The following SLC16A3 variants were observed in gnomAD, a reference collection of about 807,000 sequenced individuals.
SLC16A3 encodes solute carrier family 16 member 3, also known as monocarboxylate transporter 4.
In SLC16A3, 22 loss-of-function variants were observed where a neutral mutation model predicts 25.0. The ratio of observed to expected loss-of-function variants is 0.88; its 90% confidence interval spans 0.63 to 1.26. The LOEUF (loss-of-function observed/expected upper bound fraction) is 1.26, where lower values mean the gene tolerates loss of function less well. Among genes scored for constraint, SLC16A3 ranks in the 50% most tolerant of loss-of-function variants. The probability of loss-of-function intolerance (pLI) is 0.00; values close to 1 mark genes in which losing one functional copy is unlikely to be tolerated. For synonymous variants in SLC16A3, 390 were observed against 309.2 expected (o/e 1.26, Z -2.74); for missense variants, 731 against 666.6 (o/e 1.10, Z -1.06).
At chr17:82,226,662 CCCTGGTG>C (rs1183791769), upstream of SLC16A3, among the ~76,000 whole-genome samples, 1 of 152,106 alleles carries the variant, frequency 6.6e-6, no homozygotes, top group African/African-American at 2.4e-5. Context: ...GCCACCTGGG[CCCTGGTG>C]CCAGGCCTGG....
In SLC16A3 at chr17:82,222,922, T is replaced by C. The variant is rs147052969; in HGVS notation, c.-27+4738T>C. 5.1e-3 allele frequency among the ~76,000 whole-genome samples: 774 copies of C among 151,658 alleles called. 5 individuals carry two copies. Among genetic ancestry groups the C allele is most frequent in the Middle Eastern group, 0.021 (6 of 288 alleles). ...TCACAAAGGCCACACCCTGCAGGGC[T>C]CCATTCACATGAAACATCCAGGACA... On this transcript the variant is annotated intron_variant, in intron 1 of 4. Transcript: ENST00000580098.
In SLC16A3 at chr17:82,239,864, C is replaced by T. The variant is rs1374475779; in HGVS notation, c.*888C>T. ...GGGCTGGTCTTTGCACCCTGTCCTC[C>T]ATCCAGCCCGGCCCAGCGCTTGGGC... On this transcript the variant is annotated 3_prime_UTR_variant, in exon 5 of 5. Coordinates refer to ENST00000582743, the MANE Select transcript of SLC16A3 (RefSeq NM_004207.4). The T allele has an allele frequency of 3.5e-6, 2 of 565,772 alleles. No individual in the cohort carries two copies. The highest frequency in any genetic ancestry group is 2.6e-6 in the Non-Finnish European group (1 of 379,854). The allele number at this position is 565,772 out of a possible 1,614,324, so 35.0% of individuals were successfully genotyped here. A position where few individuals can be genotyped will look rare whatever the true frequency, so the allele number is the denominator to read the frequency against.
intron 2 of SLC16A3, 132 bp downstream of exon 2, chr17:82,236,363 C>A: frequency 2.3e-6 from 2 of 857,780 alleles, no homozygotes; most frequent in Non-Finnish European, 3.6e-6. Context: ...GCCCTTGGGG[C>A]CAGGATCCTG....
intron 1 of SLC16A3, among the ~76,000 whole-genome samples, chr17:82,218,449 C>G (rs1187045656): frequency 6.7e-6 from 1 of 148,930 alleles, no homozygotes; most frequent in African/African-American, 2.5e-5. Context: ...GGGAGCCCAG[C>G]CTCGGTCACT....
intron 1 of SLC16A3, chr17:82,234,002 A>ACCTG (rs2050547453): frequency 2.6e-5 from 4 of 151,948 alleles, no homozygotes; most frequent in South Asian, 2.1e-4. Flanking sequence ...CACTGCGCCC[A>ACCTG]GCTAATTTTT....
chr17:82,227,571 GGAGCACCACCTGCC>G (rs1568531503), upstream of SLC16A3, among the ~76,000 whole-genome samples: 1 of 143,740 alleles, frequency 7.0e-6, no homozygotes, highest in African/African-American at 2.5e-5. Flanking sequence ...CAGGAAGATG[GGAGCACCACCTGCC>G]CTGGGCGGGA....
rs2050623362 is a variant in SLC16A3 at position 82,237,134 on chromosome 17, C to T, written c.368-4C>T. The T allele has an allele frequency of 4.7e-6, 7 of 1,500,362 alleles. No homozygotes were observed. The highest frequency in any genetic ancestry group is 2.3e-5 in the Admixed American group (1 of 44,234). 92.9% of individuals were successfully genotyped at this position (1,500,362 alleles called of 1,614,324 possible). A position where few individuals can be genotyped will look rare whatever the true frequency, so the allele number is the denominator to read the frequency against. ...GGGCTCTCACCACATTCCCTTTCCT[C>T]CAGGGTTGGGTTTGGCACTCAACTT... On this transcript the variant is annotated splice_polypyrimidine_tract_variant and splice_region_variant and intron_variant, in intron 3 of 4. Coordinates refer to ENST00000582743, the MANE Select transcript of SLC16A3 (RefSeq NM_004207.4).
chr17:82,226,697 A>C (rs962105324), upstream of SLC16A3, among the ~76,000 whole-genome samples: 2 of 151,776 alleles, frequency 1.3e-5, no homozygotes, highest in African/African-American at 4.8e-5. Context: ...CCCGCCACCA[A>C]CTGCTGGGCC....
intron 1 of SLC16A3, chr17:82,234,652 C>G (rs1259816356): frequency 6.6e-6 from 1 of 152,388 alleles, no homozygotes; most frequent in African/African-American, 2.4e-5. Flanking sequence ...AGGCTGGATG[C>G]GGGGAGGGCC....
intron 2 of SLC16A3, 191 bp downstream of exon 2, chr17:82,236,422 G>A (rs1568538416): frequency 3.1e-6 from 2 of 647,772 alleles, no homozygotes; most frequent in Non-Finnish European, 2.7e-6. Flanking sequence ...AGGGCGCGAA[G>A]TCCATCCTGG....
chr17:82,220,616 A>T (rs2050383308), intron 1 of SLC16A3, among the ~76,000 whole-genome samples: 2 of 152,126 alleles, frequency 1.3e-5, no homozygotes, highest in Admixed American at 1.3e-4. Context: ...ATCTAAAAAA[A>T]ATTTTTTTTA....
At chr17:82,233,397 C>T (rs1291438843) in intron 1 of SLC16A3, among the ~76,000 whole-genome samples, 7 of 152,302 alleles carry the variant, frequency 4.6e-5, no homozygotes, top group Non-Finnish European at 8.8e-5. Flanking sequence ...ATGCTGTGCT[C>T]TCCTGGTCAG....
At chr17:82,227,613 CGGG>C, upstream of SLC16A3, among the ~76,000 whole-genome samples, 1 of 29,996 alleles carries the variant, frequency 3.3e-5, no homozygotes, top group Non-Finnish European at 8.3e-5. Flanking sequence ...CTGCCCTGGG[CGGG>C]AGCACCACCT....
intron 1 of SLC16A3, among the ~76,000 whole-genome samples, chr17:82,222,019 G>A (rs1053941931): frequency 1.3e-5 from 2 of 152,204 alleles, no homozygotes. Flanking sequence ...ATGGACAGGA[G>A]CGTCGCCCTG....
chr17:82,226,458 C>T (rs980147237), upstream of SLC16A3, among the ~76,000 whole-genome samples: 4 of 152,160 alleles, frequency 2.6e-5, no homozygotes, highest in Non-Finnish European at 4.4e-5. Context: ...CCCACCCCTT[C>T]CCGCAGCTCC....
rs759897150 is a variant in SLC16A3 at position 82,237,555 on chromosome 17, A to C, written c.785A>C (p.Lys262Thr). Residue 262 changes from lysine to threonine, a missense_variant, in exon 4 of 5, where the codon AAG becomes ACG. Coordinates refer to ENST00000582743, the MANE Select transcript of SLC16A3 (RefSeq NM_004207.4). ...YAKDLGVPDT[K>T]AAFLLTILGF... The stretch of plus-strand genomic sequence containing the variant: ...AAGGACCTGGGCGTGCCCGACACCA[A>C]GGCCGCCTTCCTGCTCACCATCCTG... 2 of 1,611,156 alleles carry C rather than the reference A, an allele frequency of 1.2e-6. No individual in the cohort carries two copies. Among genetic ancestry groups the C allele is most frequent in the South Asian group, 2.2e-5 (2 of 91,028 alleles).
At position 82,238,833 on chromosome 17, in the gene SLC16A3, C is replaced by G; in HGVS notation, c.1255C>G (p.Pro419Ala). 1 of 1,612,724 alleles carries G rather than the reference C, an allele frequency of 6.2e-7. No individual in the cohort carries two copies. The highest frequency in any genetic ancestry group is 8.5e-7 in the Non-Finnish European group (1 of 1,179,804). The change falls in exon 5 of 5, where the codon CCT (proline) becomes GCT (alanine). Residue 419 changes from proline to alanine, a missense_variant. By Grantham distance (27) the Pro-to-Ala change is conservative. Transcript: ENST00000582743. ...CIRKKPKEPQ[P>A]EVAAAEEEKL... is the part of the protein sequence containing the mutation. The stretch of plus-strand genomic sequence containing the variant: ...TAGGAAGAAGCCCAAAGAGCCACAG[C>G]CTGAGGTGGCGGCCGCGGAGGAGGA...
At position 82,239,874 on chromosome 17, in the gene SLC16A3, G is replaced by A. The variant is rs1037176322; in HGVS notation, c.*898G>A. On this transcript the variant is annotated 3_prime_UTR_variant, in exon 5 of 5. Coordinates refer to ENST00000582743, the MANE Select transcript of SLC16A3 (RefSeq NM_004207.4). ...TTGCACCCTGTCCTCCATCCAGCCC[G>A]GCCCAGCGCTTGGGCTTGTCCTGGA... 39 of 631,420 alleles carry A rather than the reference G, an allele frequency of 6.2e-5. No individual in the cohort carries two copies. The highest frequency in any genetic ancestry group is 8.5e-4 in the Middle Eastern group (2 of 2,364). 39.1% of individuals were successfully genotyped at this position (631,420 alleles called of 1,614,324 possible).
rs1286805795 is a variant in SLC16A3 at position 82,239,721 on chromosome 17, G to A, written c.*745G>A. 1.3e-5 allele frequency: 5 copies of A among 375,308 alleles called. No homozygotes were observed. Among genetic ancestry groups the A allele is most frequent in the Middle Eastern group, 6.6e-4 (1 of 1,512 alleles). 23.2% of individuals were successfully genotyped at this position (375,308 alleles called of 1,614,324 possible). A position where few individuals can be genotyped will look rare whatever the true frequency, so the allele number is the denominator to read the frequency against. On this transcript the variant is annotated 3_prime_UTR_variant, in exon 5 of 5. Transcript: ENST00000582743. ...GAGCCCCTACGTGGTGGTTAGATGG[G>A]AGCTGAGGTGGAACAAGCCACTTTA...
Sources: gnomAD v4.1 joint callset for allele counts (sites outside exome capture counted in the v4.1 genomes callset) on GRCh38, gnomAD v4.1.1 for gene constraint, MANE v1.5 for transcripts, NCBI Gene and HGNC (gene_info 2026-07-23, HGNC 2026-07-21) for gene names.